Variants in PTPRD observed in about 807,000 individuals in gnomAD.
PTPRD encodes the protein protein tyrosine phosphatase receptor type D.
PTPRD carries 34 observed loss-of-function variants against 214.5 expected under a neutral mutation model. The ratio of observed to expected loss-of-function variants is 0.16; its 90% CI spans 0.12 to 0.21. PTPRD has a LOEUF of 0.21. Ranked by LOEUF, PTPRD falls within the 10% of genes least tolerant of loss-of-function variation. PTPRD has a pLI of 1.00. For synonymous variants in PTPRD, 1,128 were observed against 845.7 expected (o/e 1.33, Z -5.79); for missense variants, 2,545 against 2,398.7 (o/e 1.06, Z -1.27).
chr9:9,058,869 C>T (rs980964669), intron 10 of PTPRD, among the ~76,000 whole-genome samples: 1 of 151,918 alleles, frequency 6.6e-6, no homozygotes, highest in Non-Finnish European at 1.5e-5. Context: ...TAATGTAATT[C>T]CTCTGAAGAT....
At chr9:10,563,056 A>C (rs1224862257) in intron 2 of PTPRD, among the ~76,000 whole-genome samples, 2 of 152,192 alleles carry the variant, frequency 1.3e-5, no homozygotes, top group East Asian at 3.8e-4. Flanking sequence ...AATCTGTGGG[A>C]ATGCCTATCC....
intron 2 of PTPRD, among the ~76,000 whole-genome samples, chr9:10,438,515 C>T (rs1331898917): frequency 6.6e-6 from 1 of 151,578 alleles, no homozygotes; most frequent in Admixed American, 6.6e-5. Flanking sequence ...TCTTTGGACT[C>T]CAATTCGATG....
At chr9:8,495,275 C>A (rs758438515) in intron 26 of PTPRD, among the ~76,000 whole-genome samples, 4 of 152,090 alleles carry the variant, frequency 2.6e-5, no homozygotes, top group Non-Finnish European at 5.9e-5. Flanking sequence ...AACGGTAACA[C>A]ATCTGCAAAA....
At chr9:9,536,898 T>C (rs1165245341) in intron 8 of PTPRD, among the ~76,000 whole-genome samples, 1 of 151,948 alleles carries the variant, frequency 6.6e-6, no homozygotes, top group East Asian at 1.9e-4. Flanking sequence ...TCAACGACAG[T>C]TATGGAAGTG....
intron 30 of PTPRD, among the ~76,000 whole-genome samples, chr9:8,479,408 A>C (rs1043900262): frequency 1.3e-5 from 2 of 152,308 alleles, no homozygotes; most frequent in East Asian, 3.9e-4. Flanking sequence ...GAAAACAAAA[A>C]ATGTCCAAAA....
intron 11 of PTPRD, among the ~76,000 whole-genome samples, chr9:8,849,586 A>G (rs569640609): frequency 6.6e-6 from 1 of 152,320 alleles, no homozygotes; most frequent in Admixed American, 6.5e-5. Context: ...TGAGCATTAG[A>G]AAATGAGAGA....
intron 3 of PTPRD, among the ~76,000 whole-genome samples, chr9:10,316,834 A>G (rs534877796): frequency 2.0e-5 from 3 of 152,074 alleles, no homozygotes; most frequent in African/African-American, 7.2e-5. Flanking sequence ...ATACAGATTC[A>G]ACAACAGCAA....
intron 9 of PTPRD, among the ~76,000 whole-genome samples, chr9:9,320,523 C>T (rs1965943988): frequency 6.6e-6 from 1 of 152,138 alleles, no homozygotes; most frequent in African/African-American, 2.4e-5. Context: ...GGTCTCTGTT[C>T]ACACTTCACT....
At position 8,320,698 on chromosome 9, in the gene PTPRD, C is replaced by T. The variant is rs143455189; in HGVS notation, c.5535-732G>A. Among the ~76,000 whole-genome samples the T allele has an allele frequency of 6.1e-3, 848 of 138,112 alleles. 8 individuals are homozygous for T. The highest frequency in any genetic ancestry group is 0.021 in the African/African-American group (768 of 36,188). 90.6% of individuals were successfully genotyped at this position (138,112 alleles called of 152,430 possible). ...GCCATTGATCTCTGAACTTAGCTAC[C>T]ATTTTTACATGATCAGCAACTAAAA... is the stretch of plus-strand genomic sequence containing the variant. On this transcript the variant is annotated intron_variant, in intron 44 of 45. Transcript: ENST00000381196.
intron 5 of PTPRD, among the ~76,000 whole-genome samples, chr9:9,780,681 G>A (rs1000409445): frequency 6.6e-6 from 1 of 152,148 alleles, no homozygotes; most frequent in African/African-American, 2.4e-5. Flanking sequence ...ACACACCTAG[G>A]TATTTATCAG....
chr9:9,014,034 T>G (rs2099522929), intron 11 of PTPRD, among the ~76,000 whole-genome samples: 1 of 65,858 alleles, frequency 1.5e-5, no homozygotes, highest in African/African-American at 5.4e-5. Flanking sequence ...CTTCTGATGT[T>G]CATAATAAGT....
At chr9:8,928,246 C>T (rs559537075) in intron 11 of PTPRD, among the ~76,000 whole-genome samples, 203 of 152,200 alleles carry the variant, frequency 1.3e-3, no homozygotes, top group African/African-American at 4.8e-3. Context: ...GTTGCCATTG[C>T]TTTTGATATT....
chr9:8,427,666 C>A (rs6477302), intron 35 of PTPRD, among the ~76,000 whole-genome samples: 39,754 of 151,596 alleles, frequency 0.26, 6,664 homozygotes, highest in East Asian at 0.65. Flanking sequence ...TATTCTTCTT[C>A]TTCTTATTGT....
intron 8 of PTPRD, among the ~76,000 whole-genome samples, chr9:9,544,924 C>G (rs2078427166): frequency 6.6e-6 from 1 of 151,602 alleles, no homozygotes; most frequent in African/African-American, 2.4e-5. Flanking sequence ...CTGACTATAC[C>G]TGAATATGTG....
At chr9:8,944,330 G>A (rs1470001001) in intron 11 of PTPRD, among the ~76,000 whole-genome samples, 2 of 152,032 alleles carry the variant, frequency 1.3e-5, no homozygotes, top group African/African-American at 4.8e-5. Flanking sequence ...ACTCACTAGG[G>A]ACAACAGTAT....
At chr9:10,325,421 C>A (rs577480386) in intron 3 of PTPRD, among the ~76,000 whole-genome samples, 1 of 151,940 alleles carries the variant, frequency 6.6e-6, no homozygotes, top group East Asian at 1.9e-4. Flanking sequence ...CACACTACTA[C>A]AAACTATTTT....
At chr9:8,592,887 A>G (rs1324768220) in intron 14 of PTPRD, among the ~76,000 whole-genome samples, 1 of 152,256 alleles carries the variant, frequency 6.6e-6, no homozygotes, top group Non-Finnish European at 1.5e-5. Context: ...CCTAAGTTGA[A>G]TCGTGAAGGA....
chr9:9,124,681 A>C (rs2099824180), intron 10 of PTPRD, among the ~76,000 whole-genome samples: 1 of 152,142 alleles, frequency 6.6e-6, no homozygotes, highest in African/African-American at 2.4e-5. Flanking sequence ...TTCAAGCCTC[A>C]TTTCTTTTTG....
At chr9:8,658,362 G>T (rs1302055140) in intron 12 of PTPRD, among the ~76,000 whole-genome samples, 1 of 152,126 alleles carries the variant, frequency 6.6e-6, no homozygotes, top group Non-Finnish European at 1.5e-5. Context: ...GAGAACCACT[G>T]TGAGTCCCTC....
Sources: allele counts gnomAD v4.1 joint callset (sites outside exome capture counted in the v4.1 genomes callset), GRCh38; gene constraint gnomAD v4.1.1; transcripts MANE v1.5; gene names NCBI Gene and HGNC (gene_info 2026-07-23, HGNC 2026-07-21).